Variants in CLEC16A observed in about 807,000 individuals in gnomAD.
The protein encoded by CLEC16A is protein CLEC16A.
CLEC16A carries 51 observed loss-of-function variants against 109.5 expected under a neutral mutation model. The ratio of observed to expected loss-of-function variants is 0.47; its 90% CI spans 0.37 to 0.59. CLEC16A has a LOEUF of 0.59. Ranked by LOEUF, CLEC16A falls within the 20% of genes least tolerant of loss-of-function variation. The pLI is 0.00. For synonymous variants in CLEC16A, 673 were observed against 564.2 expected, an observed-to-expected ratio of 1.19 and a Z score of -2.73; for missense variants, 1,339 against 1,394.0, an observed-to-expected ratio of 0.96 and a Z score of 0.63.
rs140508071 is a variant in CLEC16A, at chr16:11,131,570, C to T, written c.2641+5424C>T. On this transcript the variant is annotated intron_variant, in intron 22 of 23. Transcript: ENST00000409790. ...CAGAGCACACAGCTCAGAGGAGCAG[C>T]CAGGCAGGTTGACATCTCCTGGCCC... Among the ~76,000 whole-genome samples, 282 of 152,236 alleles carry T rather than the reference C, an allele frequency of 1.9e-3. 1 individual carries two copies. The highest frequency in any genetic ancestry group is 6.4e-3 in the African/African-American group (264 of 41,550).
intron 21 of CLEC16A, 151 bp from the exon 22 acceptor site, chr16:11,125,828 T>C (rs1049130512): frequency 4.0e-6 from 3 of 755,530 alleles, no homozygotes; most frequent in Non-Finnish European, 6.6e-6. Context: ...CACTGGTCTC[T>C]GCAGCTTGAG....
At chr16:11,002,502 G>T (rs2044726254) in intron 10 of CLEC16A, among the ~76,000 whole-genome samples, 1 of 152,192 alleles carries the variant, frequency 6.6e-6, no homozygotes, top group Admixed American at 6.5e-5. Context: ...ATTAAAATAT[G>T]TTTTTATTGT....
intron 22 of CLEC16A, among the ~76,000 whole-genome samples, chr16:11,152,612 T>C (rs548905104): frequency 1.3e-5 from 2 of 152,316 alleles, no homozygotes; most frequent in Non-Finnish European, 2.9e-5. Context: ...CTGGTGTCTG[T>C]AGATAGGGTT....
intron 19 of CLEC16A, among the ~76,000 whole-genome samples, chr16:11,074,631 C>T (rs2049249355): frequency 6.6e-6 from 1 of 152,066 alleles, no homozygotes; most frequent in African/African-American, 2.4e-5. Context: ...GTTTTATAAA[C>T]TTACAATCAT....
chr16:11,004,104 G>A (rs1227914869), intron 11 of CLEC16A, among the ~76,000 whole-genome samples: 1 of 152,058 alleles, frequency 6.6e-6, no homozygotes, highest in African/African-American at 2.4e-5. Flanking sequence ...TAGTACGTAT[G>A]TGCTCTGTAA....
chr16:11,014,444 T>C (rs548588316), intron 11 of CLEC16A, among the ~76,000 whole-genome samples: 73 of 152,332 alleles, frequency 4.8e-4, no homozygotes, highest in African/African-American at 1.8e-3. Flanking sequence ...CAGAGGTGTG[T>C]CTTGCGGAGA....
chr16:10,988,485 T>G (rs1179061286), intron 10 of CLEC16A, among the ~76,000 whole-genome samples: 6 of 151,858 alleles, frequency 4.0e-5, no homozygotes, highest in African/African-American at 1.5e-4. Context: ...CCCAGGGAGG[T>G]GTTCGGTGCA....
chr16:10,948,111 T>C (rs1596692701), intron 1 of CLEC16A, among the ~76,000 whole-genome samples: 3 of 152,290 alleles, frequency 2.0e-5, no homozygotes, highest in Admixed American at 6.5e-5. Context: ...GCCAGGATGG[T>C]CTCGATCTCC....
chr16:10,990,553 T>G (rs1346827212), intron 10 of CLEC16A, among the ~76,000 whole-genome samples: 1 of 152,174 alleles, frequency 6.6e-6, no homozygotes, highest in African/African-American at 2.4e-5. Context: ...AAGGGGCAGG[T>G]GCCTTCATTG....
intron 20 of CLEC16A, among the ~76,000 whole-genome samples, chr16:11,121,654 T>G (rs1257063743): frequency 2.6e-5 from 4 of 151,352 alleles, no homozygotes; most frequent in African/African-American, 9.7e-5. Context: ...CCAAGTCAGG[T>G]GGATCACTTG....
intron 8 of CLEC16A, among the ~76,000 whole-genome samples, chr16:10,977,703 C>T (rs535113806): frequency 2.0e-5 from 3 of 152,124 alleles, no homozygotes; most frequent in African/African-American, 7.2e-5. Context: ...TTGGAAGAGA[C>T]GGCGGCATTT....
intron 19 of CLEC16A, among the ~76,000 whole-genome samples, chr16:11,095,675 G>T (rs1370412779): frequency 6.6e-6 from 1 of 152,124 alleles, no homozygotes; most frequent in Non-Finnish European, 1.5e-5. Context: ...AGCTGGGCGT[G>T]GTGGCAGGCT....
intron 19 of CLEC16A, among the ~76,000 whole-genome samples, chr16:11,111,415 G>A (rs980228902): frequency 6.6e-6 from 1 of 152,150 alleles, no homozygotes; most frequent in Admixed American, 6.5e-5. Flanking sequence ...GGTTCCAAGA[G>A]CATTTTTATG....
At chr16:11,162,376 G>C (rs2054754621) in intron 22 of CLEC16A, among the ~76,000 whole-genome samples, 1 of 152,248 alleles carries the variant, frequency 6.6e-6, no homozygotes, top group African/African-American at 2.4e-5. Flanking sequence ...AGGATCGGGA[G>C]CTTGAGTCTA....
At chr16:11,049,963 C>T (rs1359165170) in intron 17 of CLEC16A, among the ~76,000 whole-genome samples, 1 of 152,234 alleles carries the variant, frequency 6.6e-6, no homozygotes, top group Non-Finnish European at 1.5e-5. Context: ...CACCAAGTGG[C>T]TCCTTGGCCC....
chr16:11,146,713 T>C (rs1449114469), intron 22 of CLEC16A, among the ~76,000 whole-genome samples: 1 of 138,754 alleles, frequency 7.2e-6, no homozygotes, highest in African/African-American at 2.7e-5. Flanking sequence ...GGCTGCTGGG[T>C]GGATAGATGG....
At position 11,128,691 on chromosome 16, in the gene CLEC16A, G is replaced by A. The variant is rs1442312085; in HGVS notation, c.2641+2545G>A. Among the ~76,000 whole-genome samples, 3 of 152,174 alleles carry A rather than the reference G, an allele frequency of 2.0e-5. No individual in the cohort carries two copies. The East Asian group carries it at 5.8e-4, about 29-fold the overall frequency. On this transcript the variant is annotated intron_variant, in intron 22 of 23. Transcript: ENST00000409790. ...ATCCCTGAGCCTTGGCATGGTGGGAGCATAGGCTGCCCCCACCCCCATCTC... is the reference window on the plus strand; with the variant it reads ...ATCCCTGAGCCTTGGCATGGTGGGAACATAGGCTGCCCCCACCCCCATCTC...
At position 11,051,743 on chromosome 16, in the gene CLEC16A, C is replaced by T. The variant is rs573199909; in HGVS notation, c.1995+102C>T. On this transcript the variant is annotated intron_variant, in intron 18 of 23. Transcript: ENST00000409790. ...TCTTTGTCAAAGTCAAGAGCCTGCC[C>T]TCAACACAGCTTAGACAGTGGATAG... 3.2e-4 allele frequency: 460 copies of T among 1,441,206 alleles called. 1 individual carries two copies. Among genetic ancestry groups the T allele is most frequent in the East Asian group, 9.7e-4 (42 of 43,410 alleles). 89.3% of individuals were successfully genotyped at this position (1,441,206 alleles called of 1,614,324 possible). A position where few individuals can be genotyped will look rare whatever the true frequency, so the allele number is the denominator to read the frequency against.
intron 10 of CLEC16A, among the ~76,000 whole-genome samples, chr16:11,002,608 G>T (rs143283220): frequency 6.6e-6 from 1 of 152,000 alleles, no homozygotes; most frequent in Non-Finnish European, 1.5e-5. Context: ...GGAGTAATGC[G>T]CACTGGACCC....
Sources: gnomAD v4.1 joint callset for allele counts (sites outside exome capture counted in the v4.1 genomes callset) on GRCh38, gnomAD v4.1.1 for gene constraint, MANE v1.5 for transcripts, NCBI Gene and HGNC (gene_info 2026-07-23, HGNC 2026-07-21) for gene names.